The following APP variants were observed in gnomAD, a reference collection of about 807,000 sequenced individuals.
APP encodes amyloid-beta precursor protein.
A neutral mutation model predicts 101.4 loss-of-function variants in APP; 31 were observed. The observed-to-expected ratio is 0.31, with a 90% CI of 0.23 to 0.41. The LOEUF (loss-of-function observed/expected upper bound fraction) is 0.41, where lower values mean the gene tolerates loss of function less well. APP is among the 10% of genes least tolerant of loss of function. The pLI is 1.00. For synonymous variants in APP, 366 were observed against 364.4 expected, an observed-to-expected ratio of 1.00 and a Z score of -0.05; for missense variants, 839 against 1,003.7, an observed-to-expected ratio of 0.84 and a Z score of 2.22.
chr21:26,052,704 C>T (rs375787003), intron 4 of APP, among the ~76,000 whole-genome samples: 11 of 152,118 alleles, frequency 7.2e-5, no homozygotes, highest in African/African-American at 1.9e-4. Context: ...CTAACTGGAG[C>T]TTTCAGGCTG....
chr21:26,112,212 CAGGGA>C (rs2062343545), intron 1 of APP, 66 bp from the exon 2 acceptor site: 1 of 1,524,896 alleles, frequency 6.6e-7, no homozygotes, highest in African/African-American at 1.4e-5. Flanking sequence ...GGAGGAAGAA[CAGGGA>C]TAACTATCAA....
chr21:25,928,595 T>G (rs1343355991), intron 13 of APP, among the ~76,000 whole-genome samples: 1 of 152,192 alleles, frequency 6.6e-6, no homozygotes, highest in Non-Finnish European at 1.5e-5. Context: ...ACAAAAAGTT[T>G]AGTACTGTAG....
At chr21:25,915,572 C>T (rs2039312148) in intron 13 of APP, among the ~76,000 whole-genome samples, 1 of 152,242 alleles carries the variant, frequency 6.6e-6, no homozygotes, top group African/African-American at 2.4e-5. Flanking sequence ...CTTTAGCAGT[C>T]TCTTCCACCC....
At chr21:25,884,806 C>T (rs1173977445) in intron 17 of APP, among the ~76,000 whole-genome samples, 1 of 152,172 alleles carries the variant, frequency 6.6e-6, no homozygotes, top group Non-Finnish European at 1.5e-5. Flanking sequence ...TTATTTCTTC[C>T]AGGAGGCACA....
At chr21:26,068,991 GGACAAT>G (rs1324082467) in intron 3 of APP, among the ~76,000 whole-genome samples, 1 of 152,124 alleles carries the variant, frequency 6.6e-6, no homozygotes, top group Non-Finnish European at 1.5e-5. Flanking sequence ...TGTACCCAAA[GGACAAT>G]GACTAATTCC....
chr21:26,044,777 G>A (rs1005161616), intron 5 of APP, among the ~76,000 whole-genome samples: 19 of 152,160 alleles, frequency 1.2e-4, no homozygotes, highest in Admixed American at 6.6e-4. Context: ...AACCTCAGGC[G>A]ATCGGCCCAC....
chr21:25,976,865 G>C (rs1411204856), intron 9 of APP, among the ~76,000 whole-genome samples: 1 of 152,072 alleles, frequency 6.6e-6, no homozygotes, highest in African/African-American at 2.4e-5. Flanking sequence ...ATTATGGGGG[G>C]AGTGGGTTTG....
chr21:26,005,244 T>A (rs1485185197), intron 6 of APP, among the ~76,000 whole-genome samples: 1 of 151,944 alleles, frequency 6.6e-6, no homozygotes, highest in East Asian at 1.9e-4. Context: ...CGAAACCCTG[T>A]CTCTACTAAA....
At chr21:26,159,482 G>A (rs1407559019) in intron 1 of APP, among the ~76,000 whole-genome samples, 1 of 152,174 alleles carries the variant, frequency 6.6e-6, no homozygotes, top group African/African-American at 2.4e-5. Context: ...CATAAAAGGG[G>A]AATGCACAAT....
chr21:26,050,960 G>A (rs1415694735), intron 5 of APP, 40 bp downstream of exon 5: 7 of 1,599,836 alleles, frequency 4.4e-6, no homozygotes, highest in South Asian at 1.1e-5. Context: ...CATACAAGAT[G>A]TTTCAGCATC....
At chr21:25,925,663 G>A (rs8133711) in intron 13 of APP, among the ~76,000 whole-genome samples, 7,278 of 152,266 alleles carry the variant, frequency 0.048, 576 homozygotes, top group African/African-American at 0.17. Flanking sequence ...GGCTGGGCGT[G>A]GTGGCTCACG....
At chr21:25,899,334 C>T (rs1402699391) in intron 15 of APP, among the ~76,000 whole-genome samples, 1 of 152,164 alleles carries the variant, frequency 6.6e-6, no homozygotes, top group African/African-American at 2.4e-5. Flanking sequence ...GCTGATACTC[C>T]TTCCTTCAAG....
At chr21:26,041,945 T>C (rs999354106) in intron 5 of APP, among the ~76,000 whole-genome samples, 3 of 60 alleles carry the variant, frequency 0.05, no homozygotes, top group Admixed American at 0.17. Flanking sequence ...CCTATTTCAG[T>C]ATAGACAGTC....
rs199741007 is a variant in APP at position 26,089,999 on chromosome 21, C to G, written c.299G>C (p.Arg100Pro). Residue 100 changes from arginine (R) to proline (P), a missense_variant, in exon 3 of 18, where the codon CGG becomes CCG. Arg to Pro is a moderately radical substitution (Grantham distance 103). Coordinates refer to ENST00000346798, the MANE Select transcript of APP (RefSeq NM_000484.4). ...QPVTIQNWCK[R>P]GRKQCKTHPH... ...ATGGGTCTTGCACTGCTTGCGGCCC[C>G]GCTTGCACCAGTTCTGGATGGTCAC... is the stretch of plus-strand genomic sequence containing the variant. 1 of 1,614,192 alleles carries G rather than the reference C, an allele frequency of 6.2e-7. No individual in the cohort carries two copies. The highest frequency in any genetic ancestry group is 2.2e-5 in the East Asian group (1 of 44,886).
At chr21:26,028,662 T>C (rs894745949) in intron 5 of APP, among the ~76,000 whole-genome samples, 2 of 152,176 alleles carry the variant, frequency 1.3e-5, no homozygotes, top group Non-Finnish European at 2.9e-5. Flanking sequence ...AATGCATTCA[T>C]TCATTCATCC....
chr21:26,117,846 G>A (rs758232079), intron 1 of APP, among the ~76,000 whole-genome samples: 9 of 152,042 alleles, frequency 5.9e-5, no homozygotes, highest in Non-Finnish European at 7.4e-5. Flanking sequence ...CTTGAGTTTC[G>A]GCTTAAAAAA....
intron 10 of APP, 65 bp downstream of exon 10, chr21:25,975,889 T>C: frequency 2.3e-6 from 3 of 1,317,114 alleles, no homozygotes; most frequent in Non-Finnish European, 3.3e-6. Context: ...AAGGTAAACC[T>C]GCAGACACTC....
chr21:26,124,979 G>T (rs891010905), intron 1 of APP, among the ~76,000 whole-genome samples: 2 of 152,242 alleles, frequency 1.3e-5, no homozygotes, highest in Non-Finnish European at 2.9e-5. Context: ...AACCAAAGGT[G>T]CTGGAGTGTT....
intron 6 of APP, among the ~76,000 whole-genome samples, chr21:26,000,578 G>GATT (rs2043250544): frequency 6.6e-6 from 1 of 152,180 alleles, no homozygotes; most frequent in Non-Finnish European, 1.5e-5. Flanking sequence ...GTTATGAAGC[G>GATT]AAAGTTTAAG....
Sources: gnomAD v4.1 joint callset for allele counts (sites outside exome capture counted in the v4.1 genomes callset) on GRCh38, gnomAD v4.1.1 for gene constraint, MANE v1.5 for transcripts, NCBI Gene and HGNC (gene_info 2026-07-23, HGNC 2026-07-21) for gene names.